Variants in DLGAP2 observed in about 807,000 individuals in gnomAD.
The protein encoded by DLGAP2 is disks large-associated protein 2.
DLGAP2 carries 26 observed loss-of-function variants against 100.3 expected under a neutral mutation model. The ratio of observed to expected loss-of-function variants is 0.26; its 90% CI spans 0.19 to 0.36. The LOEUF (loss-of-function observed/expected upper bound fraction) is 0.36. DLGAP2 is among the 10% of genes least tolerant of loss of function. The pLI is 1.00. For synonymous variants in DLGAP2, 886 were observed against 630.1 expected, an observed-to-expected ratio of 1.41 and a Z score of -6.08; for missense variants, 1,858 against 1,453.2, an observed-to-expected ratio of 1.28 and a Z score of -4.53.
At chr8:1,382,969 A>C (rs1262298550) in intron 3 of DLGAP2, among the ~76,000 whole-genome samples, 1 of 152,156 alleles carries the variant, frequency 6.6e-6, no homozygotes, top group Non-Finnish European at 1.5e-5. Flanking sequence ...GAGAAATTAT[A>C]CTTACTATGT....
At chr8:1,620,066 A>T (rs1044483857) in intron 6 of DLGAP2, among the ~76,000 whole-genome samples, 4 of 152,166 alleles carry the variant, frequency 2.6e-5, no homozygotes, top group Non-Finnish European at 5.9e-5. Context: ...AAGAAAACTC[A>T]CAGCCTTTCT....
chr8:1,097,265 T>A (rs1804408950), intron 2 of DLGAP2, among the ~76,000 whole-genome samples: 1 of 128,536 alleles, frequency 7.8e-6, no homozygotes. Context: ...GAGACCCAGC[T>A]CCCTCTGCTC....
intron 2 of DLGAP2, among the ~76,000 whole-genome samples, chr8:1,086,422 T>C (rs1349792441): frequency 6.6e-6 from 1 of 152,182 alleles, no homozygotes; most frequent in African/African-American, 2.4e-5. Flanking sequence ...CTTTGTTGTA[T>C]TGAGGTACAT....
intron 3 of DLGAP2, among the ~76,000 whole-genome samples, chr8:1,341,020 G>A (rs1801404737): frequency 6.6e-6 from 1 of 152,130 alleles, no homozygotes; most frequent in Admixed American, 6.6e-5. Context: ...CCTGTAAGTA[G>A]GAGCTAAATG....
At chr8:793,803 T>C (rs1405349855) in intron 1 of DLGAP2, among the ~76,000 whole-genome samples, 1 of 152,228 alleles carries the variant, frequency 6.6e-6, no homozygotes, top group Non-Finnish European at 1.5e-5. Flanking sequence ...AACACCTCTA[T>C]TATTTTGTTT....
chr8:1,206,285 T>C (rs1283175598), intron 2 of DLGAP2, among the ~76,000 whole-genome samples: 1 of 151,744 alleles, frequency 6.6e-6, no homozygotes, highest in Non-Finnish European at 1.5e-5. Context: ...TGGGCTGGGG[T>C]AGACTGTGAG....
intron 1 of DLGAP2, among the ~76,000 whole-genome samples, chr8:761,281 G>C (rs1405783831): frequency 6.6e-6 from 1 of 152,136 alleles, no homozygotes; most frequent in Non-Finnish European, 1.5e-5. Context: ...CATCTCTGTG[G>C]ATTTCTTTCT....
intron 1 of DLGAP2, among the ~76,000 whole-genome samples, chr8:824,965 C>T (rs1796659397): frequency 6.6e-6 from 1 of 152,164 alleles, no homozygotes; most frequent in Admixed American, 6.5e-5. Context: ...GAGGGGCCGC[C>T]CCACCTCCGT....
intron 2 of DLGAP2, among the ~76,000 whole-genome samples, chr8:1,180,731 A>T (rs1277169465): frequency 1.3e-5 from 2 of 151,726 alleles, no homozygotes; most frequent in East Asian, 3.9e-4. Flanking sequence ...CAGCACACTT[A>T]CCATTGAGTC....
intron 2 of DLGAP2, among the ~76,000 whole-genome samples, chr8:1,169,917 A>C (rs1179117395): frequency 6.6e-6 from 1 of 151,998 alleles, no homozygotes; most frequent in Non-Finnish European, 1.5e-5. Flanking sequence ...TTCCAACACT[A>C]GGTTGAATAG....
chr8:928,443 A>G (rs1216479341), intron 2 of DLGAP2, among the ~76,000 whole-genome samples: 2 of 152,082 alleles, frequency 1.3e-5, no homozygotes, highest in African/African-American at 4.8e-5. Flanking sequence ...CCCAGGCTTC[A>G]TGGAAGAGGA....
intron 2 of DLGAP2, among the ~76,000 whole-genome samples, chr8:1,013,178 C>T (rs148340966): frequency 3.3e-3 from 510 of 152,278 alleles, no homozygotes; most frequent in Non-Finnish European, 5.0e-3. Flanking sequence ...TCCTTTCATA[C>T]GTATCAATAG....
chr8:1,055,501 A>T (rs1373660768), intron 2 of DLGAP2, among the ~76,000 whole-genome samples: 2 of 152,226 alleles, frequency 1.3e-5, no homozygotes, highest in Non-Finnish European at 2.9e-5. Flanking sequence ...TTTTCTACTT[A>T]AAGTCTGTTG....
At chr8:1,013,097 T>C (rs1484011412) in intron 2 of DLGAP2, among the ~76,000 whole-genome samples, 1 of 152,196 alleles carries the variant, frequency 6.6e-6, no homozygotes, top group African/African-American at 2.4e-5. Context: ...CTATGTTCTT[T>C]GTGGTCCATT....
intron 2 of DLGAP2, among the ~76,000 whole-genome samples, chr8:1,136,724 C>G (rs758849579): frequency 6.6e-6 from 1 of 152,230 alleles, no homozygotes; most frequent in East Asian, 1.9e-4. Context: ...CCACCCGAAG[C>G]CAGCTCTTGA....
At position 810,938 on chromosome 8, in the gene DLGAP2, C is replaced by T. The variant is rs529241420; in HGVS notation, c.18+73113C>T. Among the ~76,000 whole-genome samples the T allele has an allele frequency of 1.1e-3, 171 of 152,288 alleles. 1 individual carries two copies. The highest frequency in any genetic ancestry group is 2.2e-3 in the Non-Finnish European group (147 of 68,022). On this transcript the variant is annotated intron_variant, in intron 1 of 14. Transcript: ENST00000637795. The stretch of plus-strand genomic sequence containing the variant: ...CTAGAGGTGGCTGTGGTTGGATGTT[C>T]GGGTATAATGCCTGTTGGAAAAGGA...
intron 2 of DLGAP2, among the ~76,000 whole-genome samples, chr8:1,180,321 A>G (rs984832828): frequency 9.9e-5 from 15 of 152,190 alleles, no homozygotes; most frequent in African/African-American, 3.6e-4. Context: ...CCTCCTGCCA[A>G]ATCCCAGTTA....
intron 2 of DLGAP2, among the ~76,000 whole-genome samples, chr8:911,291 A>C (rs1798479878): frequency 6.6e-6 from 1 of 152,196 alleles, no homozygotes; most frequent in African/African-American, 2.4e-5. Context: ...TGTTGGAAGG[A>C]TGCTGGAGAA....
At chr8:819,601 G>A (rs1254686066) in intron 1 of DLGAP2, among the ~76,000 whole-genome samples, 1 of 152,130 alleles carries the variant, frequency 6.6e-6, no homozygotes, top group Non-Finnish European at 1.5e-5. Flanking sequence ...TAGTAACGTT[G>A]GGCATGGAGA....
Sources: gnomAD v4.1 joint callset for allele counts (sites outside exome capture counted in the v4.1 genomes callset) on GRCh38, gnomAD v4.1.1 for gene constraint, MANE v1.5 for transcripts, NCBI Gene and HGNC (gene_info 2026-07-23, HGNC 2026-07-21) for gene names.